KCNQ3: variants seen among roughly 807,000 people sequenced by gnomAD.
KCNQ3 encodes potassium voltage-gated channel subfamily Q member 3.
A neutral mutation model predicts 92.5 loss-of-function variants in KCNQ3; 30 were observed. That is an observed-to-expected ratio of 0.32 (90% CI 0.24 to 0.44). The LOEUF is 0.44. KCNQ3 is among the 20% of genes least tolerant of loss of function. The pLI is 1.00. For synonymous variants in KCNQ3, 450 were observed against 468.8 expected, an observed-to-expected ratio of 0.96 and a Z score of 0.52; for missense variants, 913 against 1,140.3, an observed-to-expected ratio of 0.80 and a Z score of 2.87.
chr8:132,247,288 C>A (rs764608350), intron 1 of KCNQ3, among the ~76,000 whole-genome samples: 6 of 152,106 alleles, frequency 3.9e-5, no homozygotes, highest in Admixed American at 6.6e-5. Flanking sequence ...AGAGATTAAG[C>A]TGGGTAACTT....
intron 1 of KCNQ3, among the ~76,000 whole-genome samples, chr8:132,288,386 A>G (rs887339901): frequency 7.9e-5 from 12 of 152,168 alleles, no homozygotes; most frequent in Admixed American, 5.9e-4. Flanking sequence ...TGATCTTGTA[A>G]AAGTCATTTC....
intron 1 of KCNQ3, among the ~76,000 whole-genome samples, chr8:132,328,328 G>A (rs189237841): frequency 6.2e-4 from 95 of 152,286 alleles, no homozygotes; most frequent in Admixed American, 2.2e-3. Context: ...CTGCCTAAGA[G>A]TGGGGATAGA....
At chr8:132,434,154 G>A (rs992946838) in intron 1 of KCNQ3, among the ~76,000 whole-genome samples, 3 of 147,868 alleles carry the variant, frequency 2.0e-5, no homozygotes, top group African/African-American at 7.4e-5. Flanking sequence ...CTTGCAGTGA[G>A]CCGAGATCCC....
Position 132,223,050 on chromosome 8 carries a change from CT to C in KCNQ3, c.387-36870del, listed in dbSNP as rs1471161627. Among the ~76,000 whole-genome samples the C allele has an allele frequency of 6.6e-5, 10 of 152,292 alleles. No individual in the cohort carries two copies. In the East Asian group the frequency reaches 1.7e-3, roughly 26 times the overall value. Reference sequence around the variant, plus strand: ...AAAGGCTACAGTGTGGGTGGAAGTGCTTTTTTATTCATTCTTTCATTTTCAA... The same window carrying C: ...AAAGGCTACAGTGTGGGTGGAAGTGCTTTTTATTCATTCTTTCATTTTCAA... On this transcript the variant is annotated intron_variant, in intron 1 of 14. Transcript: ENST00000388996.
chr8:132,418,219 T>A (rs890366819), intron 1 of KCNQ3, among the ~76,000 whole-genome samples: 2 of 152,102 alleles, frequency 1.3e-5, no homozygotes, highest in African/African-American at 4.8e-5. Flanking sequence ...GAGGACAAGA[T>A]AAATATAAAC....
intron 1 of KCNQ3, among the ~76,000 whole-genome samples, chr8:132,263,029 T>C (rs1815843453): frequency 6.6e-6 from 1 of 152,192 alleles, no homozygotes. Flanking sequence ...GGGAGGTAGA[T>C]CTGGAATTTA....
At chr8:132,138,947 T>C (rs1436578066) in intron 11 of KCNQ3, among the ~76,000 whole-genome samples, 1 of 152,206 alleles carries the variant, frequency 6.6e-6, no homozygotes, top group Non-Finnish European at 1.5e-5. Context: ...CAGGTGAGAA[T>C]CTATAAACTA....
At chr8:132,173,563 C>T (rs576302691) in intron 6 of KCNQ3, among the ~76,000 whole-genome samples, 29 of 152,068 alleles carry the variant, frequency 1.9e-4, no homozygotes, top group African/African-American at 6.8e-4. Context: ...AATTAAGTCT[C>T]GGGTTTCACA....
At chr8:132,471,958 T>A (rs1026547078) in intron 1 of KCNQ3, among the ~76,000 whole-genome samples, 1 of 152,084 alleles carries the variant, frequency 6.6e-6, no homozygotes, top group African/African-American at 2.4e-5. Flanking sequence ...AGGATATGAA[T>A]AGATATTTCT....
chr8:132,284,253 C>T (rs931846476), intron 1 of KCNQ3, among the ~76,000 whole-genome samples: 2 of 152,086 alleles, frequency 1.3e-5, no homozygotes, highest in Non-Finnish European at 2.9e-5. Context: ...AGGCAGATTC[C>T]AGATGAAGAG....
chr8:132,208,896 C>CT (rs1282473884), intron 1 of KCNQ3, among the ~76,000 whole-genome samples: 14 of 152,274 alleles, frequency 9.2e-5, no homozygotes, highest in Non-Finnish European at 1.6e-4. Flanking sequence ...CCTCCTAAAA[C>CT]ACCTCCTGGA....
At chr8:132,149,746 G>C (rs1394653972) in intron 9 of KCNQ3, among the ~76,000 whole-genome samples, 1 of 152,160 alleles carries the variant, frequency 6.6e-6, no homozygotes. Flanking sequence ...CGACTGGAGT[G>C]CATGGCTGTA....
chr8:132,479,441 C>A lies in KCNQ3; in HGVS notation c.386+706G>T, dbSNP rs569282809. ...ATGTTTCAGCCAAAAGAGTCCCCGG[C>A]CCCCTCACCTCCTGGCTCTGTGAAG... is the stretch of plus-strand genomic sequence containing the variant. On this transcript the variant is annotated intron_variant, in intron 1 of 14. Coordinates refer to ENST00000388996, the MANE Select transcript of KCNQ3 (RefSeq NM_004519.4). Among the ~76,000 whole-genome samples the A allele has an allele frequency of 6.6e-5, 10 of 152,214 alleles. No homozygotes were observed. The South Asian group carries it at 1.9e-3, about 28-fold the overall frequency.
chr8:132,414,317 A>T (rs1428732515), intron 1 of KCNQ3, among the ~76,000 whole-genome samples: 3 of 152,136 alleles, frequency 2.0e-5, no homozygotes, highest in Non-Finnish European at 4.4e-5. Flanking sequence ...AGCCCAGGGA[A>T]GCCCAGGGAG....
intron 1 of KCNQ3, among the ~76,000 whole-genome samples, chr8:132,318,301 A>T (rs1477395504): frequency 1.3e-5 from 2 of 152,246 alleles, no homozygotes; most frequent in African/African-American, 2.4e-5. Context: ...CAAAGCAAAG[A>T]TGGTGATGGG....
At chr8:132,247,222 T>C (rs1815209584) in intron 1 of KCNQ3, among the ~76,000 whole-genome samples, 1 of 152,202 alleles carries the variant, frequency 6.6e-6, no homozygotes, top group South Asian at 2.1e-4. Context: ...TTCTGACCTT[T>C]AGTAATGTCT....
At chr8:132,290,023 G>A (rs1816795654) in intron 1 of KCNQ3, among the ~76,000 whole-genome samples, 1 of 152,150 alleles carries the variant, frequency 6.6e-6, no homozygotes, top group Non-Finnish European at 1.5e-5. Flanking sequence ...GTAGAAAAAT[G>A]GTTTTGGGTA....
intron 1 of KCNQ3, among the ~76,000 whole-genome samples, chr8:132,270,053 C>A (rs187907655): frequency 6.6e-6 from 1 of 151,876 alleles, no homozygotes; most frequent in South Asian, 2.1e-4. Context: ...TCTGTGGGAA[C>A]GGCTTTCTCT....
Position 132,143,822 on chromosome 8 carries a change from T to TGG in KCNQ3, c.1263-2492_1263-2491insCC, listed in dbSNP as rs1475333263. 6.9e-4 allele frequency among the ~76,000 whole-genome samples: 29 copies of TGG among 41,784 alleles called. 1 individual carries two copies. Among genetic ancestry groups the TGG allele is most frequent in the South Asian group, 4.8e-3 (12 of 2,486 alleles). 27.4% of individuals were successfully genotyped at this position (41,784 alleles called of 152,430 possible). ...CCCTGGGCCACAAATAAAGGTTTTT[T>TGG]TGGTTGTTGTTGTTTAAATGAACTG... On this transcript the variant is annotated intron_variant, in intron 9 of 14. Transcript: ENST00000388996.
Sources: allele counts gnomAD v4.1 joint callset (sites outside exome capture counted in the v4.1 genomes callset), GRCh38; gene constraint gnomAD v4.1.1; transcripts MANE v1.5; gene names NCBI Gene and HGNC (gene_info 2026-07-23, HGNC 2026-07-21).